The following CECR2 variants were observed in gnomAD, a reference collection of about 807,000 sequenced individuals.
The protein encoded by CECR2 is chromatin remodeling regulator CECR2.
CECR2 carries 30 observed loss-of-function variants against 154.5 expected under a neutral mutation model. The observed-to-expected ratio is 0.19, with a 90% CI of 0.15 to 0.26. CECR2 has a LOEUF of 0.26. Ranked by LOEUF, CECR2 falls within the 10% of genes least tolerant of loss-of-function variation. The pLI is 1.00. For synonymous variants in CECR2, 725 were observed against 683.7 expected (o/e 1.06, Z -0.94); for missense variants, 1,743 against 1,829.3 (o/e 0.95, Z 0.86).
Position 17,542,608 on chromosome 22 carries a change from AGTG to A in CECR2, c.2467_2469del (p.Trp823del). 6.2e-7 allele frequency: 1 copy of A among 1,613,950 alleles called. No individual in the cohort carries two copies. Among genetic ancestry groups the A allele is most frequent in the Non-Finnish European group, 8.5e-7 (1 of 1,179,864 alleles). On this transcript the variant is annotated inframe_deletion, in exon 16 of 19. Transcript: ENST00000262608. ...ATGAGACCACCTGTCCCCCCCAACC[AGTG>A]GACTGAACAATCAGGCTTCCTACCT...
intron 13 of CECR2, 116 bp from the exon 14 acceptor site, chr22:17,540,296 A>G: frequency 2.1e-6 from 2 of 965,868 alleles, no homozygotes; most frequent in Non-Finnish European, 2.8e-6. Context: ...TCTTCTATTT[A>G]TTAGAATTGT....
intron 1 of CECR2, among the ~76,000 whole-genome samples, chr22:17,459,868 T>C (rs773589497): frequency 2.0e-4 from 31 of 152,214 alleles, no homozygotes; most frequent in Non-Finnish European, 3.7e-4. Context: ...AAGCCTCTTA[T>C]CCTTTTAACT....
intron 1 of CECR2, among the ~76,000 whole-genome samples, chr22:17,411,856 G>GC (rs1332499363): frequency 6.6e-6 from 1 of 152,028 alleles, no homozygotes; most frequent in Non-Finnish European, 1.5e-5. Context: ...ATATTTTTAT[G>GC]GCTTTTTAAA....
intron 9 of CECR2, among the ~76,000 whole-genome samples, chr22:17,528,793 C>G (rs573768773): frequency 6.6e-6 from 1 of 152,200 alleles, no homozygotes; most frequent in Non-Finnish European, 1.5e-5. Flanking sequence ...GCCTCAGCCT[C>G]CCAAAGTGCT....
chr22:17,495,085 A>G lies in CECR2; in HGVS notation c.222-2318A>G, dbSNP rs551958226. On this transcript the variant is annotated intron_variant, in intron 2 of 18. Coordinates refer to ENST00000262608, the MANE Select transcript of CECR2 (RefSeq NM_001290047.2). ...TGCAAATATAACTACCATAGATTATAAGTCAACATAGTAGTTGCCTAATTT... is the reference window on the plus strand; with the variant it reads ...TGCAAATATAACTACCATAGATTATGAGTCAACATAGTAGTTGCCTAATTT... 8.5e-5 allele frequency among the ~76,000 whole-genome samples: 13 copies of G among 152,350 alleles called. No homozygotes were observed. The East Asian group carries it at 1.5e-3, about 18-fold the overall frequency.
chr22:17,461,791 A>AT (rs2054941786), intron 1 of CECR2, among the ~76,000 whole-genome samples: 1 of 143,820 alleles, frequency 7.0e-6, no homozygotes, highest in South Asian at 2.3e-4. Flanking sequence ...AGTACCCGTT[A>AT]CTTTTTTTTT....
At chr22:17,474,186 T>A (rs893886677) in intron 1 of CECR2, among the ~76,000 whole-genome samples, 1 of 152,212 alleles carries the variant, frequency 6.6e-6, no homozygotes, top group African/African-American at 2.4e-5. Context: ...AGTTCAGCAA[T>A]GTCTTCATCA....
intron 1 of CECR2, among the ~76,000 whole-genome samples, chr22:17,467,021 G>A (rs559891949): frequency 1.2e-4 from 18 of 152,174 alleles, no homozygotes; most frequent in Admixed American, 6.5e-4. Context: ...CAGAAACATC[G>A]GGGGAGTGTT....
chr22:17,486,629 C>A (rs1010253187), intron 2 of CECR2, among the ~76,000 whole-genome samples: 5 of 152,130 alleles, frequency 3.3e-5, no homozygotes, highest in African/African-American at 1.2e-4. Flanking sequence ...AAAACTAGGC[C>A]ATTAGAAAGA....
intron 3 of CECR2, among the ~76,000 whole-genome samples, chr22:17,498,851 GGGAACAAT>G (rs973858170): frequency 2.0e-4 from 30 of 152,074 alleles, no homozygotes; most frequent in African/African-American, 6.8e-4. Flanking sequence ...TTTTTGAAAA[GGGAACAAT>G]GGTGGGGATA....
rs558158283 is a variant in CECR2 at position 17,511,698 on chromosome 22, T to C, written c.871-115T>C. On this transcript the variant is annotated intron_variant, in intron 7 of 18. Coordinates refer to ENST00000262608, the MANE Select transcript of CECR2 (RefSeq NM_001290047.2). ...ATTGTCCTAAGGAAGCCTTTGGCCC[T>C]AACCTGTGTGCCTCATTGGCCACTT... 82 of 762,366 alleles carry C rather than the reference T, an allele frequency of 1.1e-4. 1 individual carries two copies. In the Middle Eastern group the frequency reaches 1.8e-3, roughly 16 times the overall value. 47.2% of individuals were successfully genotyped at this position (762,366 alleles called of 1,614,324 possible).
intron 2 of CECR2, among the ~76,000 whole-genome samples, chr22:17,479,749 C>T (rs1282582087): frequency 1.3e-5 from 2 of 150,670 alleles, no homozygotes; most frequent in Non-Finnish European, 2.9e-5. Context: ...ATTGACATCC[C>T]TACAATGTGG....
intron 1 of CECR2, among the ~76,000 whole-genome samples, chr22:17,469,851 C>T (rs1057031315): frequency 1.3e-5 from 2 of 152,226 alleles, no homozygotes; most frequent in Non-Finnish European, 2.9e-5. Flanking sequence ...TTGCTGTCCT[C>T]ATAGCAGCAT....
chr22:17,447,641 G>A (rs1324773473), intron 1 of CECR2, among the ~76,000 whole-genome samples: 1 of 142,230 alleles, frequency 7.0e-6, no homozygotes, highest in East Asian at 2.2e-4. Flanking sequence ...TGAGTCCCAT[G>A]CCCAGAGACT....
intron 1 of CECR2, chr22:17,419,250 AG>A (rs1319140713): frequency 6.5e-6 from 1 of 154,750 alleles, no homozygotes; most frequent in Admixed American, 6.5e-5. Flanking sequence ...GGAAGACTGG[AG>A]CAGGCCACCT....
chr22:17,447,033 C>CTGTT (rs1339121774), intron 1 of CECR2, among the ~76,000 whole-genome samples: 3 of 114,110 alleles, frequency 2.6e-5, no homozygotes, highest in African/African-American at 7.5e-5. Flanking sequence ...CGTTTACAAT[C>CTGTT]TTTTTTTTTT....
At chr22:17,520,584 C>A (rs56121577) in intron 8 of CECR2, among the ~76,000 whole-genome samples, 3,844 of 152,170 alleles carry the variant, frequency 0.025, 67 homozygotes, top group Non-Finnish European at 0.039. Context: ...AGTCCCCCAC[C>A]CTCTGACAGA....
chr22:17,516,027 CTG>C (rs1448575240), intron 8 of CECR2, among the ~76,000 whole-genome samples: 1 of 152,114 alleles, frequency 6.6e-6, no homozygotes. Flanking sequence ...ATGGTTTAAA[CTG>C]TGAGCCTGTT....
At chr22:17,518,539 G>T in intron 8 of CECR2, 1 of 267,152 alleles carries the variant, frequency 3.7e-6, no homozygotes, top group Non-Finnish European at 7.5e-6. Flanking sequence ...TGTCAATATG[G>T]ACTTCTAGAA....
Sources: gnomAD v4.1 joint callset for allele counts (sites outside exome capture counted in the v4.1 genomes callset) on GRCh38, gnomAD v4.1.1 for gene constraint, MANE v1.5 for transcripts, NCBI Gene and HGNC (gene_info 2026-07-23, HGNC 2026-07-21) for gene names.